RPAP2: variants seen among roughly 807,000 people sequenced by gnomAD.
RPAP2 encodes putative RNA polymerase II subunit B1 CTD phosphatase RPAP2.
In RPAP2, 52 loss-of-function variants were observed where a neutral mutation model predicts 73.1. The ratio of observed to expected loss-of-function variants is 0.71; its 90% CI spans 0.57 to 0.90. RPAP2 has a LOEUF of 0.90. Ranked by LOEUF, RPAP2 falls within the 40% of genes least tolerant of loss-of-function variation. The pLI, the probability that RPAP2 is intolerant of heterozygous loss-of-function variation, is 0.00. For synonymous variants in RPAP2, 225 were observed against 242.1 expected (o/e 0.93, Z 0.65); for missense variants, 598 against 701.8 (o/e 0.85, Z 1.67).
At chr1:92,303,300 T>C (rs2101102715) in intron 3 of RPAP2, among the ~76,000 whole-genome samples, 1 of 152,330 alleles carries the variant, frequency 6.6e-6, no homozygotes, top group Non-Finnish European at 1.5e-5. Context: ...ATATGCTTCA[T>C]TTGAAACATA....
Position 92,400,009 on chromosome 1 carries a change from C to G in RPAP2, c.*12998C>G, listed in dbSNP as rs962162943. 6.6e-6 allele frequency: 1 copy of G among 152,182 alleles called. No individual in the cohort carries two copies. Among genetic ancestry groups the G allele is most frequent in the Non-Finnish European group, 1.5e-5 (1 of 68,040 alleles). 9.4% of individuals were successfully genotyped at this position (152,182 alleles called of 1,614,324 possible). On this transcript the variant is annotated 3_prime_UTR_variant, in exon 13 of 13. Transcript: ENST00000610020. ...ACTTTAAAAAAAGCACAAACTAAGA[C>G]TCAATGAGGTTTATCTTCCACAAGA...
In RPAP2 at chr1:92,395,595, C is replaced by T. The variant is rs1413698315; in HGVS notation, c.*8584C>T. On this transcript the variant is annotated 3_prime_UTR_variant, in exon 13 of 13. Coordinates refer to ENST00000610020, the MANE Select transcript of RPAP2 (RefSeq NM_024813.3). ...AGGTTGCAGTGAGCCAAGATCACAC[C>T]ACCGCACTAGAGCCTGGGTGACAGA... 1 of 146,314 alleles carries T rather than the reference C, an allele frequency of 6.8e-6. No homozygotes were observed. The highest frequency in any genetic ancestry group is 1.5e-5 in the Non-Finnish European group (1 of 67,594). 9.1% of individuals were successfully genotyped at this position (146,314 alleles called of 1,614,324 possible).
intron 9 of RPAP2, among the ~76,000 whole-genome samples, chr1:92,334,507 C>CCCTAACTGT (rs1653157113): frequency 6.6e-6 from 1 of 151,972 alleles, no homozygotes; most frequent in Non-Finnish European, 1.5e-5. Context: ...AGTTAGGGGT[C>CCCTAACTGT]AAATGACATG....
At chr1:92,312,416 CTCA>C (rs1160213307) in intron 6 of RPAP2, among the ~76,000 whole-genome samples, 1 of 55,298 alleles carries the variant, frequency 1.8e-5, no homozygotes, top group African/African-American at 6.3e-5. Flanking sequence ...AAGACCGTGT[CTCA>C]AAAAAAAAAA....
Position 92,324,080 on chromosome 1 carries a change from AT to A in RPAP2, c.1161del (p.Tyr387Ter). 1.2e-6 allele frequency: 2 copies of A among 1,614,064 alleles called. No homozygotes were observed. Among genetic ancestry groups the A allele is most frequent in the Non-Finnish European group, 1.7e-6 (2 of 1,179,960 alleles). ...ACAGAAGAAACATTGAGGTTTTTGT[AT>A]GGCCAGAATTATGCTTCTGTGTGTC... is the stretch of plus-strand genomic sequence containing the variant. ...WKTEETLRFL[Y>X]GQNYASVCLK... On this transcript the variant is annotated frameshift_variant, in exon 8 of 13. Transcript: ENST00000610020. LOFTEE classifies it high-confidence loss of function.
chr1:92,344,078 C>T (rs1341421071), intron 10 of RPAP2, among the ~76,000 whole-genome samples: 1 of 152,056 alleles, frequency 6.6e-6, no homozygotes, highest in Admixed American at 6.6e-5. Context: ...CTGCCATAAA[C>T]AATATTTAGT....
At chr1:92,371,652 T>A (rs1655158787) in intron 11 of RPAP2, among the ~76,000 whole-genome samples, 1 of 151,732 alleles carries the variant, frequency 6.6e-6, no homozygotes, top group Non-Finnish European at 1.5e-5. Flanking sequence ...CATAGGTGAA[T>A]CTGGAGGATG....
chr1:92,345,604 T>G (rs1653847741), intron 10 of RPAP2, among the ~76,000 whole-genome samples: 1 of 152,040 alleles, frequency 6.6e-6, no homozygotes, highest in South Asian at 2.1e-4. Context: ...TCTTGTCTAG[T>G]AGTAATATTA....
rs1656152548 is a variant in RPAP2, at chr1:92,395,101, A to G, written c.*8090A>G. On this transcript the variant is annotated 3_prime_UTR_variant, in exon 13 of 13. Coordinates refer to ENST00000610020, the MANE Select transcript of RPAP2 (RefSeq NM_024813.3). ...TAGTGCTAGGATATTTGGATATCAA[A>G]TGCAGAAGAAATTAATTTAGATTCT... 6.6e-6 allele frequency: 1 copy of G among 152,218 alleles called. No homozygotes were observed. Among genetic ancestry groups the G allele is most frequent in the East Asian group, 1.9e-4 (1 of 5,196 alleles). 9.4% of individuals were successfully genotyped at this position (152,218 alleles called of 1,614,324 possible).
At chr1:92,336,292 A>G (rs1374381410) in intron 9 of RPAP2, 55 bp from the exon 10 acceptor site, 2 of 1,283,726 alleles carry the variant, frequency 1.6e-6, no homozygotes, top group Admixed American at 1.8e-5. Flanking sequence ...GCATGACCCA[A>G]AAAAAGTTTC....
Position 92,385,732 on chromosome 1 carries a change from C to G in RPAP2, c.*-1279C>G, listed in dbSNP as rs531204819. On this transcript the variant is annotated intron_variant, in intron 12 of 12. Transcript: ENST00000610020. ...TATATTAGTTAACTTTTGTTACTAACAAATTTCTCCAAACAAACAAACAAA... is the reference window on the plus strand; with the variant it reads ...TATATTAGTTAACTTTTGTTACTAAGAAATTTCTCCAAACAAACAAACAAA... Among the ~76,000 whole-genome samples the G allele has an allele frequency of 2.6e-5, 4 of 152,216 alleles. No individual in the cohort carries two copies. In the East Asian group the frequency reaches 7.7e-4, roughly 29 times the overall value.
intron 1 of RPAP2, 127 bp from the exon 2 acceptor site, chr1:92,300,067 G>A: frequency 1.5e-6 from 1 of 652,692 alleles, no homozygotes; most frequent in Non-Finnish European, 2.7e-6. Flanking sequence ...GTAGGCAACT[G>A]TATATCTAAA....
Position 92,378,849 on chromosome 1 carries a change from T to C in RPAP2, c.1689-1875T>C, listed in dbSNP as rs117366211. 1.8e-4 allele frequency among the ~76,000 whole-genome samples: 27 copies of C among 152,334 alleles called. No homozygotes were observed. In the East Asian group the frequency reaches 5.2e-3, roughly 29 times the overall value. On this transcript the variant is annotated intron_variant, in intron 11 of 12. Transcript: ENST00000610020. ...CAGTATGAACTACCTTTGGGGAATA[T>C]GTGCAGACAAAGCTCATGAAGTCTG... is the stretch of plus-strand genomic sequence containing the variant.
At chr1:92,346,225 G>A (rs1007416064) in intron 11 of RPAP2, among the ~76,000 whole-genome samples, 1 of 149,974 alleles carries the variant, frequency 6.7e-6, no homozygotes, top group African/African-American at 2.5e-5. Flanking sequence ...GTGCATTGGT[G>A]TGATGTCAGC....
chr1:92,363,675 GA>G (rs1252053421), intron 11 of RPAP2: 2 of 291,372 alleles, frequency 6.9e-6, no homozygotes, highest in Non-Finnish European at 6.7e-6. Context: ...AAGATAGCAA[GA>G]CCAACCCCAC....
chr1:92,321,819 T>C (rs189409875), intron 7 of RPAP2, among the ~76,000 whole-genome samples: 8 of 152,238 alleles, frequency 5.3e-5, no homozygotes, highest in Admixed American at 1.3e-4. Flanking sequence ...GAATTTTCTG[T>C]ACAACAATCA....
chr1:92,320,546 A>G, intron 6 of RPAP2, 53 bp from the exon 7 acceptor site: 1 of 1,518,320 alleles, frequency 6.6e-7, no homozygotes, highest in South Asian at 1.1e-5. Flanking sequence ...CTGGGGTTAC[A>G]GGCATGAGCC....
chr1:92,364,023 AGT>A (rs931410240), intron 11 of RPAP2, among the ~76,000 whole-genome samples: 41 of 152,166 alleles, frequency 2.7e-4, no homozygotes, highest in African/African-American at 9.4e-4. Context: ...GGAGGGGGTC[AGT>A]GTCCCTAATG....
chr1:92,379,471 A>G (rs908729623), intron 11 of RPAP2, among the ~76,000 whole-genome samples: 4 of 152,176 alleles, frequency 2.6e-5, no homozygotes, highest in Non-Finnish European at 4.4e-5. Flanking sequence ...CAGTTTTTAA[A>G]AATCATGTCC....
Sources: allele counts gnomAD v4.1 joint callset (sites outside exome capture counted in the v4.1 genomes callset), GRCh38; gene constraint gnomAD v4.1.1; transcripts MANE v1.5; gene names NCBI Gene and HGNC (gene_info 2026-07-23, HGNC 2026-07-21).